Variants in MAPK4 observed in about 807,000 individuals in gnomAD.
MAPK4 encodes Erk3-related.
Under a neutral mutation model 47.7 loss-of-function variants are expected in MAPK4, and 22 were observed. The ratio of observed to expected loss-of-function variants is 0.46; its 90% CI spans 0.33 to 0.66. The LOEUF (loss-of-function observed/expected upper bound fraction) is 0.66, where lower values mean the gene tolerates loss of function less well. MAPK4 is among the 30% of genes least tolerant of loss of function. MAPK4 has a pLI of 0.02. For missense variants in MAPK4, 736 were observed against 831.7 expected (o/e 0.88, Z 1.42); for synonymous variants, 390 against 365.7 (o/e 1.07, Z -0.76).
intron 1 of MAPK4, among the ~76,000 whole-genome samples, chr18:50,604,549 G>T (rs1412064185): frequency 6.6e-6 from 1 of 152,206 alleles, no homozygotes; most frequent in Non-Finnish European, 1.5e-5. Flanking sequence ...CAGTTTTATA[G>T]ATACATGTGA....
At chr18:50,608,125 C>A (rs1240220919) in intron 1 of MAPK4, among the ~76,000 whole-genome samples, 1 of 152,118 alleles carries the variant, frequency 6.6e-6, no homozygotes, top group African/African-American at 2.4e-5. Flanking sequence ...CGTTGGAAAC[C>A]AGGATTTACT....
chr18:50,605,668 C>T (rs1345052196), intron 1 of MAPK4, among the ~76,000 whole-genome samples: 1 of 152,212 alleles, frequency 6.6e-6, no homozygotes, highest in East Asian at 1.9e-4. Flanking sequence ...GGCAGTTGAG[C>T]TGTCATTCCT....
intron 1 of MAPK4, among the ~76,000 whole-genome samples, chr18:50,661,451 A>G (rs2043170909): frequency 6.6e-6 from 1 of 152,202 alleles, no homozygotes; most frequent in Admixed American, 6.5e-5. Context: ...CATCAGATGG[A>G]TATTGACCCT....
intron 1 of MAPK4, among the ~76,000 whole-genome samples, chr18:50,570,161 T>A (rs149760772): frequency 6.6e-6 from 1 of 152,216 alleles, no homozygotes; most frequent in African/African-American, 2.4e-5. Flanking sequence ...CCAGCTGCTC[T>A]TTGCCTGACT....
chr18:50,637,689 G>A lies in MAPK4; in HGVS notation c.-870-25400G>A, dbSNP rs75241620. Among the ~76,000 whole-genome samples, 1,472 of 152,310 alleles carry A rather than the reference G, an allele frequency of 9.7e-3. 66 individuals carry two copies. Among genetic ancestry groups the A allele is most frequent in the East Asian group, 0.063 (327 of 5,174 alleles). On this transcript the variant is annotated intron_variant, in intron 1 of 5. Transcript: ENST00000400384. ...TCTGGGTGAGTTAACCAACAGACACGTATTTTCTCACAGTTCTGGAGGCTT... is the reference window on the plus strand; with the variant it reads ...TCTGGGTGAGTTAACCAACAGACACATATTTTCTCACAGTTCTGGAGGCTT...
rs116924149 is a variant in MAPK4, at chr18:50,652,685, C to T, written c.-870-10404C>T. On this transcript the variant is annotated intron_variant, in intron 1 of 5. Transcript: ENST00000400384. Reference sequence around the variant, plus strand: ...TAGGAATTAGGTGCTGAGAATAGAGCGATGCACATGATGAGTTCCTGCCCT... The same window carrying T: ...TAGGAATTAGGTGCTGAGAATAGAGTGATGCACATGATGAGTTCCTGCCCT... Among the ~76,000 whole-genome samples the T allele has an allele frequency of 4.0e-3, 616 of 152,172 alleles. 2 individuals are homozygous for T. The highest frequency in any genetic ancestry group is 7.1e-3 in the Non-Finnish European group (481 of 68,010).
intron 1 of MAPK4, among the ~76,000 whole-genome samples, chr18:50,598,293 A>T (rs2042503354): frequency 6.6e-6 from 1 of 152,238 alleles, no homozygotes; most frequent in South Asian, 2.1e-4. Context: ...CACATCACTT[A>T]CAACAGGAGA....
rs546695338 is a variant in MAPK4, at chr18:50,598,829, G to A, written c.-871+38586G>A. ...TACTAGTCAGATGTCCCTGAAGCTA[G>A]GTTTGTCTGATTATTTTTATCATAA... On this transcript the variant is annotated intron_variant, in intron 1 of 5. Coordinates refer to ENST00000400384, the MANE Select transcript of MAPK4 (RefSeq NM_002747.4). Among the ~76,000 whole-genome samples, 8 of 152,232 alleles carry A rather than the reference G, an allele frequency of 5.3e-5. No individual in the cohort carries two copies. The East Asian group carries it at 1.5e-3, about 29-fold the overall frequency.
At position 50,730,025 on chromosome 18, in the gene MAPK4, T is replaced by A; in HGVS notation, c.*171T>A. 3.0e-6 allele frequency: 2 copies of A among 657,956 alleles called. No individual in the cohort carries two copies. The highest frequency in any genetic ancestry group is 4.9e-6 in the Non-Finnish European group (2 of 411,620). 40.8% of individuals were successfully genotyped at this position (657,956 alleles called of 1,614,324 possible). On this transcript the variant is annotated 3_prime_UTR_variant, in exon 6 of 6. Coordinates refer to ENST00000400384, the MANE Select transcript of MAPK4 (RefSeq NM_002747.4). Reference sequence around the variant, plus strand: ...CCATTTCTTAAACTGCCTTAATAACTAGCCTTTAACCTGTGGGAGCGGGTT... The same window carrying A: ...CCATTTCTTAAACTGCCTTAATAACAAGCCTTTAACCTGTGGGAGCGGGTT...
chr18:50,718,404 G>A (rs190710484), intron 3 of MAPK4, among the ~76,000 whole-genome samples: 1 of 152,058 alleles, frequency 6.6e-6, no homozygotes, highest in South Asian at 2.1e-4. Flanking sequence ...TTATAGTAGA[G>A]ACGGAGTTTT....
At chr18:50,583,713 G>C (rs1472337188) in intron 1 of MAPK4, among the ~76,000 whole-genome samples, 1 of 152,204 alleles carries the variant, frequency 6.6e-6, no homozygotes, top group African/African-American at 2.4e-5. Flanking sequence ...GCTTTAAACT[G>C]TCTTTGGATT....
chr18:50,719,083 C>CAAA (rs11356183), intron 3 of MAPK4, among the ~76,000 whole-genome samples: 5 of 124,254 alleles, frequency 4.0e-5, no homozygotes, highest in African/African-American at 3.1e-5. Context: ...GACTCCACCT[C>CAAA]AAAAAAAAAA....
At chr18:50,707,336 G>A (rs375680458) in intron 2 of MAPK4, among the ~76,000 whole-genome samples, 1 of 152,120 alleles carries the variant, frequency 6.6e-6, no homozygotes, top group Non-Finnish European at 1.5e-5. Flanking sequence ...GGAGGCTGAG[G>A]AGGCAGGTGG....
intron 1 of MAPK4, among the ~76,000 whole-genome samples, chr18:50,616,845 T>G (rs8096810): frequency 0.97 from 147,516 of 152,292 alleles, 71,604 homozygotes; most frequent in East Asian, 1. Context: ...AGACTGACGG[T>G]TCTGCCTTTC....
Position 50,726,163 on chromosome 18 carries a change from C to T in MAPK4, c.1055C>T (p.Thr352Met), listed in dbSNP as rs186466272. Residue 352 changes from threonine to methionine, a missense_variant, in exon 5 of 6, where the codon ACG becomes ATG. By Grantham distance (81) the Thr-to-Met change is moderately conservative (BLOSUM62 -1). This residue lies in a region of MAPK4 where 377 missense variants were observed against 378.6 expected (regional missense o/e 1.00). Transcript: ENST00000400384. ...ANQSQLSNWD[T>M]CSSRYPVSLS... The stretch of plus-strand genomic sequence containing the variant: ...CAGAGCCAGCTGTCCAACTGGGACA[C>T]GTGCAGTTCCAGGTGCTCGCAGCCC... The T allele has an allele frequency of 3.7e-5, 59 of 1,613,844 alleles. No individual in the cohort carries two copies. The highest frequency in any genetic ancestry group is 4.4e-5 in the Non-Finnish European group (52 of 1,180,006).
chr18:50,586,369 G>T lies in MAPK4; in HGVS notation c.-871+26126G>T, dbSNP rs143186974. Among the ~76,000 whole-genome samples, 838 of 151,782 alleles carry T rather than the reference G, an allele frequency of 5.5e-3. 4 individuals carry two copies. Among genetic ancestry groups the T allele is most frequent in the Non-Finnish European group, 9.4e-3 (637 of 67,964 alleles). On this transcript the variant is annotated intron_variant, in intron 1 of 5. Transcript: ENST00000400384. The stretch of plus-strand genomic sequence containing the variant: ...AAAATGCAAATTATAAGGGGGTAGG[G>T]TCACCAAAAAATTAAAGTGGAAAAT...
Position 50,729,196 on chromosome 18 carries a change from C to A in MAPK4, c.1106C>A (p.Pro369His). Residue 369 changes from proline (P) to histidine (H), a missense_variant, in exon 6 of 6, where the codon CCT (proline) becomes CAT (histidine). Physicochemically the swap from Pro to His is moderately conservative, Grantham distance 77. Coordinates refer to ENST00000400384, the MANE Select transcript of MAPK4 (RefSeq NM_002747.4). ...CTGTCGTCGGACCTGGAGTGGCGGCCTGACCGGTGCCAGGACGCCAGCGAG... is the reference window on the plus strand; with the variant it reads ...CTGTCGTCGGACCTGGAGTGGCGGCATGACCGGTGCCAGGACGCCAGCGAG... ...VSLSSDLEWR[P>H]DRCQDASEVQ... 1 of 1,594,456 alleles carries A rather than the reference C, an allele frequency of 6.3e-7. No homozygotes were observed. The highest frequency in any genetic ancestry group is 8.6e-7 in the Non-Finnish European group (1 of 1,164,964).
chr18:50,672,369 T>A (rs940583086), intron 2 of MAPK4, among the ~76,000 whole-genome samples: 6 of 152,210 alleles, frequency 3.9e-5, no homozygotes, highest in African/African-American at 1.4e-4. Context: ...TGAAAAGATT[T>A]ATTTAAAAGG....
intron 2 of MAPK4, among the ~76,000 whole-genome samples, chr18:50,709,911 T>C (rs573336358): frequency 6.6e-6 from 1 of 152,184 alleles, no homozygotes; most frequent in Non-Finnish European, 1.5e-5. Flanking sequence ...TCTCTAACCA[T>C]GTGAAATGCT....
Sources: allele counts gnomAD v4.1 joint callset (sites outside exome capture counted in the v4.1 genomes callset), GRCh38; gene constraint gnomAD v4.1.1; regional missense constraint gnomAD v4.1.1; transcripts MANE v1.5; gene names NCBI Gene and HGNC (gene_info 2026-07-23, HGNC 2026-07-21).